MAP4: variants seen among roughly 807,000 people sequenced by gnomAD.
MAP4 encodes microtubule associated protein 4.
MAP4 carries 76 observed loss-of-function variants against 170.2 expected under a neutral mutation model. That is an observed-to-expected ratio of 0.45 (90% CI 0.37 to 0.54). The LOEUF (loss-of-function observed/expected upper bound fraction) is 0.54. MAP4 is among the 20% of genes least tolerant of loss of function. MAP4 has a pLI of 0.00. For synonymous variants in MAP4, 909 were observed against 994.5 expected, an observed-to-expected ratio of 0.91 and a Z score of 1.62; for missense variants, 2,506 against 2,748.0, an observed-to-expected ratio of 0.91 and a Z score of 1.97.
chr3:47,892,425 G>C, intron 10 of MAP4: 1 of 1,536,210 alleles, frequency 6.5e-7, no homozygotes, highest in Non-Finnish European at 8.7e-7. Context: ...CACTCTGCAG[G>C]CTTGCCCTTA....
intron 1 of MAP4, among the ~76,000 whole-genome samples, chr3:48,071,496 C>T (rs2100141014): frequency 6.6e-6 from 1 of 152,022 alleles, no homozygotes; most frequent in Non-Finnish European, 1.5e-5. Context: ...CTGCAATGAG[C>T]CATGATGCCA....
intron 1 of MAP4, among the ~76,000 whole-genome samples, chr3:48,087,731 A>G (rs529585699): frequency 1.7e-4 from 20 of 116,188 alleles, no homozygotes; most frequent in South Asian, 6.0e-4. Context: ...ACGCACGCGC[A>G]CACACACGCA....
intron 3 of MAP4, among the ~76,000 whole-genome samples, chr3:47,931,222 A>C (rs1449023074): frequency 6.7e-6 from 1 of 148,862 alleles, no homozygotes; most frequent in Non-Finnish European, 1.5e-5. Flanking sequence ...AAAAACATAC[A>C]AAAAAAAAAT....
chr3:48,066,138 G>A (rs1282178921), intron 1 of MAP4, among the ~76,000 whole-genome samples: 3 of 152,040 alleles, frequency 2.0e-5, no homozygotes, highest in African/African-American at 7.2e-5. Context: ...GGTCTTTGCT[G>A]TTGGTTAGAT....
chr3:47,914,181 T>C (rs574138543), intron 8 of MAP4, among the ~76,000 whole-genome samples: 2 of 152,176 alleles, frequency 1.3e-5, no homozygotes, highest in Non-Finnish European at 2.9e-5. Context: ...AGGCAAGTTA[T>C]GTAACTTGCT....
rs2045573628 is a variant in MAP4, at chr3:47,852,871, A to G, written c.*63T>C. 1 of 1,576,588 alleles carries G rather than the reference A, an allele frequency of 6.3e-7. No homozygotes were observed. Among genetic ancestry groups the G allele is most frequent in the East Asian group, 2.4e-5 (1 of 42,356 alleles). On this transcript the variant is annotated 3_prime_UTR_variant, in exon 21 of 21. Coordinates refer to ENST00000683076, the MANE Select transcript of MAP4 (RefSeq NM_001385682.1). ...GCCAGGGAAGTGTGGGGGGCGGGAGACAATGTCGGCCCCGTGGTCGGTGCG... is the reference window on the plus strand; with the variant it reads ...GCCAGGGAAGTGTGGGGGGCGGGAGGCAATGTCGGCCCCGTGGTCGGTGCG...
At chr3:47,897,702 G>A (rs989211093) in intron 10 of MAP4, among the ~76,000 whole-genome samples, 15 of 152,078 alleles carry the variant, frequency 9.9e-5, no homozygotes, top group Admixed American at 3.9e-4. Context: ...ACTTTGGGAG[G>A]TCGAGGCGGG....
At chr3:47,919,635 C>G (rs1559466937) in intron 5 of MAP4, among the ~76,000 whole-genome samples, 1 of 152,180 alleles carries the variant, frequency 6.6e-6, no homozygotes, top group Non-Finnish European at 1.5e-5. Flanking sequence ...TTAAAGGAAA[C>G]ACTGCTGACA....
intron 17 of MAP4, among the ~76,000 whole-genome samples, chr3:47,866,854 C>T (rs941965178): frequency 6.6e-6 from 1 of 152,200 alleles, no homozygotes; most frequent in Admixed American, 6.5e-5. Flanking sequence ...ATCCAGACAT[C>T]TGTCTCAGAG....
intron 1 of MAP4, among the ~76,000 whole-genome samples, chr3:48,086,068 A>G (rs367840477): frequency 4.0e-5 from 6 of 150,616 alleles, no homozygotes; most frequent in South Asian, 2.1e-4. Flanking sequence ...ATATATATAT[A>G]TGTGTGTGTA....
chr3:48,059,391 T>C (rs536592062), intron 1 of MAP4, among the ~76,000 whole-genome samples: 1 of 151,452 alleles, frequency 6.6e-6, no homozygotes, highest in South Asian at 2.1e-4. Flanking sequence ...GGCGTGCGCC[T>C]GTAGTCCCAG....
At chr3:48,083,467 G>A (rs1234860100) in intron 1 of MAP4, among the ~76,000 whole-genome samples, 1 of 152,132 alleles carries the variant, frequency 6.6e-6, no homozygotes, top group East Asian at 1.9e-4. Context: ...CCGGGTTCAA[G>A]TGATTCTCCT....
At chr3:48,070,365 C>T (rs2100140347) in intron 1 of MAP4, among the ~76,000 whole-genome samples, 2 of 151,722 alleles carry the variant, frequency 1.3e-5, no homozygotes, top group South Asian at 4.2e-4. Context: ...TTCACAGAGA[C>T]CTCTTCTTCT....
chr3:48,062,438 A>G (rs1442672718), intron 1 of MAP4, among the ~76,000 whole-genome samples: 6 of 132,950 alleles, frequency 4.5e-5, no homozygotes, highest in African/African-American at 1.7e-4. Flanking sequence ...TCCCTCCACT[A>G]TTGTCCTATG....
chr3:47,947,914 C>T (rs184760295), intron 3 of MAP4, among the ~76,000 whole-genome samples: 2 of 152,098 alleles, frequency 1.3e-5, no homozygotes, highest in Admixed American at 1.3e-4. Flanking sequence ...ATACTTGATG[C>T]AGCAATTTGC....
chr3:48,019,864 G>T (rs978562749), upstream of MAP4, among the ~76,000 whole-genome samples: 4 of 152,224 alleles, frequency 2.6e-5, no homozygotes, highest in East Asian at 7.7e-4. Flanking sequence ...GCTACAGAGT[G>T]AGGCCCTGTC....
At chr3:47,989,685 A>G (rs1034828239) in intron 2 of MAP4, among the ~76,000 whole-genome samples, 8 of 152,220 alleles carry the variant, frequency 5.3e-5, no homozygotes, top group Non-Finnish European at 8.8e-5. Context: ...ACGTAACAAC[A>G]CTAAAAACAA....
rs1315089105 is a variant in MAP4, at chr3:47,909,383, T to C, written c.5038A>G (p.Thr1680Ala). 6.2e-7 allele frequency: 1 copy of C among 1,613,858 alleles called. No individual in the cohort carries two copies. The highest frequency in any genetic ancestry group is 8.5e-7 in the Non-Finnish European group (1 of 1,179,852). The stretch of plus-strand genomic sequence containing the variant: ...GGCAAGGAAACGCTTTCCAATTCCG[T>C]GATTTTACAAGCCAGACTAATTTCT... The part of the protein sequence containing the change: ...LKEISLACKI[T>A]ELESVSLPTP... The change falls in exon 9 of 21, where the codon ACG becomes GCG. Residue 1680 changes from threonine (T) to alanine (A), a missense_variant. By Grantham distance (58) the Thr-to-Ala change is moderately conservative. Around this residue, in one of 3 missense-constraint regions of MAP4, gnomAD observed 2,008 missense variants for 2,206.0 expected, o/e 0.91. Coordinates refer to ENST00000683076, the MANE Select transcript of MAP4 (RefSeq NM_001385682.1).
rs747894391 is a variant in MAP4, at chr3:47,863,921, G to GGTGTGTGTGTGTGTGT, written c.6501+3309_6501+3324dup. The stretch of plus-strand genomic sequence containing the variant: ...TTCTGTGTGTGTGTGTGTGGGTGTG[G>GGTGTGTGTGTGTGTGT]GTGTGTGTGTGTGTGTGGGGAGTGG... On this transcript the variant is annotated intron_variant, in intron 17 of 20. Coordinates refer to ENST00000683076, the MANE Select transcript of MAP4 (RefSeq NM_001385682.1). Among the ~76,000 whole-genome samples, 762 of 110,874 alleles carry GGTGTGTGTGTGTGTGT rather than the reference G, an allele frequency of 6.9e-3. 19 individuals carry two copies. Among genetic ancestry groups the GGTGTGTGTGTGTGTGT allele is most frequent in the African/African-American group, 0.011 (244 of 22,050 alleles). 72.7% of individuals were successfully genotyped at this position (110,874 alleles called of 152,430 possible).
Sources: allele counts gnomAD v4.1 joint callset (sites outside exome capture counted in the v4.1 genomes callset), GRCh38; gene constraint gnomAD v4.1.1; regional missense constraint gnomAD v4.1.1; transcripts MANE v1.5; gene names NCBI Gene and HGNC (gene_info 2026-07-23, HGNC 2026-07-21).